The following PCDHA3 variants were observed in gnomAD, a reference collection of about 807,000 sequenced individuals.
The protein encoded by PCDHA3 is protocadherin alpha-3.
Under a neutral mutation model 62.2 loss-of-function variants are expected in PCDHA3, and 41 were observed. The ratio of observed to expected loss-of-function variants is 0.66; its 90% CI spans 0.51 to 0.86. The LOEUF (loss-of-function observed/expected upper bound fraction) is 0.86. Among genes scored for constraint, PCDHA3 ranks in the 40% least tolerant of loss-of-function variants. PCDHA3 has a pLI of 0.00. For synonymous variants in PCDHA3, 640 were observed against 555.4 expected (o/e 1.15, Z -2.14); for missense variants, 1,304 against 1,241.2 (o/e 1.05, Z -0.76).
At chr5:140,943,791 C>G (rs74565063) in intron 1 of PCDHA3, among the ~76,000 whole-genome samples, 2,339 of 152,200 alleles carry the variant, frequency 0.015, 18 homozygotes, top group Middle Eastern at 0.027. Flanking sequence ...GTCCTTTATG[C>G]AAAGCAAAAG....
At chr5:140,896,864 G>A (rs1223708211) in intron 1 of PCDHA3, among the ~76,000 whole-genome samples, 1 of 152,088 alleles carries the variant, frequency 6.6e-6, no homozygotes, top group Admixed American at 6.5e-5. Flanking sequence ...CATAATAAGT[G>A]TACATATTTA....
At chr5:140,843,766 G>T (rs1303909479) in intron 1 of PCDHA3, 4 of 1,487,952 alleles carry the variant, frequency 2.7e-6, no homozygotes, top group Non-Finnish European at 3.7e-6. Context: ...GGAAATTGTA[G>T]TTACTTTAAA....
chr5:140,829,339 G>A (rs1770234553), intron 1 of PCDHA3: 1 of 1,614,278 alleles, frequency 6.2e-7, no homozygotes, highest in Non-Finnish European at 8.5e-7. Flanking sequence ...TGGACCGCGA[G>A]AGCGTGTCGG....
At chr5:140,973,489 G>T (rs1554235344) in intron 1 of PCDHA3, among the ~76,000 whole-genome samples, 2 of 152,096 alleles carry the variant, frequency 1.3e-5, no homozygotes, top group African/African-American at 4.8e-5. Flanking sequence ...TTGGTCACAG[G>T]ACTCTTCTTC....
At position 140,849,459 on chromosome 5, in the gene PCDHA3, G is replaced by A. The variant is rs2150438078; in HGVS notation, c.2394+45868G>A. On this transcript the variant is annotated intron_variant, in intron 1 of 3. Transcript: ENST00000522353. ...TAGAGCACACAAGATCCCAGTCGAG[G>A]CTGTCGATAAAGGCTTCCCACCCCT... 169 of 1,587,860 alleles carry A rather than the reference G, an allele frequency of 1.1e-4. 13 individuals carry two copies. The highest frequency in any genetic ancestry group is 1.4e-4 in the Non-Finnish European group (163 of 1,161,590).
chr5:140,932,824 G>A (rs1484280278), intron 1 of PCDHA3, among the ~76,000 whole-genome samples: 4 of 151,902 alleles, frequency 2.6e-5, no homozygotes, highest in Admixed American at 6.6e-5. Context: ...AAGTGGGAAA[G>A]TATTGACAAT....
chr5:140,883,302 A>T (rs1177736093), intron 1 of PCDHA3: 1 of 1,613,992 alleles, frequency 6.2e-7, no homozygotes, highest in African/African-American at 1.3e-5. Context: ...GATGTAAATG[A>T]TAACGCCCCA....
intron 1 of PCDHA3, chr5:140,836,400 G>C (rs2150259839): frequency 6.2e-7 from 1 of 1,613,760 alleles, no homozygotes; most frequent in African/African-American, 1.3e-5. Context: ...GGTGGAAAGC[G>C]GCCAGGCACC....
chr5:140,850,112 C>T lies in PCDHA3; in HGVS notation c.2394+46521C>T, dbSNP rs2150468097. On this transcript the variant is annotated intron_variant, in intron 1 of 3. Coordinates refer to ENST00000522353, the MANE Select transcript of PCDHA3 (RefSeq NM_018906.3). ...TACAGTTCCAGGTGAGCGCGCGCGA[C>T]GCGGGCGTGCCGCCTCTGGGCAGCA... 91 of 1,595,906 alleles carry T rather than the reference C, an allele frequency of 5.7e-5. 9 individuals are homozygous for T. The highest frequency in any genetic ancestry group is 5.9e-5 in the Non-Finnish European group (69 of 1,167,846).
chr5:140,937,089 G>A (rs2091320544), intron 1 of PCDHA3, among the ~76,000 whole-genome samples: 1 of 149,070 alleles, frequency 6.7e-6, no homozygotes, highest in African/African-American at 2.5e-5. Context: ...CCAGGCTGGA[G>A]TGCAGTGGCG....
At chr5:140,823,144 C>T (rs1332340413) in intron 1 of PCDHA3, 2 of 1,614,006 alleles carry the variant, frequency 1.2e-6, no homozygotes, top group Non-Finnish European at 1.7e-6. Context: ...GTTCGCGCAG[C>T]CCCAGTATAC....
At chr5:140,955,401 A>T (rs1202478496) in intron 1 of PCDHA3, among the ~76,000 whole-genome samples, 2 of 152,122 alleles carry the variant, frequency 1.3e-5, no homozygotes, top group African/African-American at 4.8e-5. Flanking sequence ...TATCCCATAC[A>T]GTTCTCATGA....
rs34755515 is a variant in PCDHA3 at position 141,000,421 on chromosome 5, A to ATTT, written c.2543-9185_2543-9183dup. 5.4e-3 allele frequency among the ~76,000 whole-genome samples: 150 copies of ATTT among 27,982 alleles called. 11 individuals are homozygous for ATTT. Among genetic ancestry groups the ATTT allele is most frequent in the Non-Finnish European group, 6.0e-3 (106 of 17,660 alleles). The allele number at this position is 27,982 out of a possible 152,430, so 18.4% of individuals were successfully genotyped here. On this transcript the variant is annotated intron_variant, in intron 3 of 3. Coordinates refer to ENST00000522353, the MANE Select transcript of PCDHA3 (RefSeq NM_018906.3). ...TATATATATATATATATATATATAT[A>ATTT]TTTTTTTTTTTTTTTTTTTTTTTGA...
At chr5:140,998,696 C>G (rs1587806526) in intron 3 of PCDHA3, among the ~76,000 whole-genome samples, 1 of 152,182 alleles carries the variant, frequency 6.6e-6, no homozygotes, top group East Asian at 1.9e-4. Flanking sequence ...TCCCAAGTAG[C>G]TGGGATTACA....
In PCDHA3 at chr5:140,976,256, AAC is replaced by A. The variant is rs372931931; in HGVS notation, c.2395-2689_2395-2688del. On this transcript the variant is annotated intron_variant, in intron 1 of 3. Transcript: ENST00000522353. Reference sequence around the variant, plus strand: ...TGTCATTTCATGTAAATTTATTTAAAACACAGACTTTTGGCAAGGCACAGTGG... The same window carrying A: ...TGTCATTTCATGTAAATTTATTTAAAACAGACTTTTGGCAAGGCACAGTGG... Among the ~76,000 whole-genome samples the A allele has an allele frequency of 3.2e-3, 487 of 152,352 alleles. 7 individuals carry two copies. Among genetic ancestry groups the A allele is most frequent in the Middle Eastern group, 0.01 (3 of 294 alleles).
At chr5:140,886,871 T>C (rs1045804511) in intron 1 of PCDHA3, among the ~76,000 whole-genome samples, 1 of 151,744 alleles carries the variant, frequency 6.6e-6, no homozygotes, top group Non-Finnish European at 1.5e-5. Flanking sequence ...AACTCCTATA[T>C]TGAACATTCA....
chr5:140,836,726 C>T (rs1326875671), intron 1 of PCDHA3: 9 of 1,610,652 alleles, frequency 5.6e-6, no homozygotes, highest in African/African-American at 2.7e-5. Flanking sequence ...AGGGTCCATC[C>T]TCTACAGACA....
At chr5:140,862,494 G>A (rs1008951764) in intron 1 of PCDHA3, 2 of 389,834 alleles carry the variant, frequency 5.1e-6, no homozygotes, top group South Asian at 2.0e-5. Context: ...GTAATCGCTC[G>A]GAATGGGGAC....
rs1365314674 is a variant in PCDHA3, at chr5:140,850,378, C to A, written c.2394+46787C>A. 1.3e-6 allele frequency: 2 copies of A among 1,597,842 alleles called. No homozygotes were observed. Among genetic ancestry groups the A allele is most frequent in the East Asian group, 2.2e-5 (1 of 44,846 alleles). On this transcript the variant is annotated intron_variant, in intron 1 of 3. Transcript: ENST00000522353. ...ATCCCGTTCCGCGTGGGGCTGTACA[C>A]GGGCGAGATCAGCACAACGCGTGCC...
Sources: allele counts gnomAD v4.1 joint callset (sites outside exome capture counted in the v4.1 genomes callset), GRCh38; gene constraint gnomAD v4.1.1; transcripts MANE v1.5; gene names NCBI Gene and HGNC (gene_info 2026-07-23, HGNC 2026-07-21).